Variants in FOXP1 observed in about 807,000 individuals in gnomAD.
The protein encoded by FOXP1 is forkhead box protein P1.
Under a neutral mutation model 98.2 loss-of-function variants are expected in FOXP1, and 15 were observed. The observed-to-expected ratio is 0.15, with a 90% CI of 0.10 to 0.24. The LOEUF is 0.24. Among genes scored for constraint, FOXP1 ranks in the 10% least tolerant of loss-of-function variants. The probability of loss-of-function intolerance (pLI) is 1.00; values close to 1 mark genes in which losing one functional copy is unlikely to be tolerated. For missense variants in FOXP1, 633 were observed against 848.5 expected (o/e 0.75, Z 3.15); for synonymous variants, 371 against 314.5 (o/e 1.18, Z -1.90).
At chr3:71,131,051 G>GAA in intron 6 of FOXP1, 1 of 346,086 alleles carries the variant, frequency 2.9e-6, no homozygotes, top group Non-Finnish European at 4.0e-6. Flanking sequence ...TGCTTTAAAA[G>GAA]AAAAAAAAAA....
At chr3:71,416,112 T>C (rs2083192515) in intron 3 of FOXP1, among the ~76,000 whole-genome samples, 1 of 152,220 alleles carries the variant, frequency 6.6e-6, no homozygotes, top group South Asian at 2.1e-4. Flanking sequence ...AGTTACATTC[T>C]TGTCTTTTGG....
At chr3:71,106,155 T>C (rs1323696021) in intron 7 of FOXP1, among the ~76,000 whole-genome samples, 3 of 152,224 alleles carry the variant, frequency 2.0e-5, no homozygotes, top group East Asian at 1.9e-4. Flanking sequence ...ACACTGCCTA[T>C]ACTACAGAGT....
At chr3:71,164,112 A>T (rs1388648604) in intron 6 of FOXP1, among the ~76,000 whole-genome samples, 1 of 152,202 alleles carries the variant, frequency 6.6e-6, no homozygotes, top group Non-Finnish European at 1.5e-5. Context: ...TAGCCTATAT[A>T]ATCAGATGGT....
chr3:71,277,639 A>G (rs1459254177), intron 5 of FOXP1, among the ~76,000 whole-genome samples: 1 of 152,090 alleles, frequency 6.6e-6, no homozygotes, highest in Non-Finnish European at 1.5e-5. Context: ...TGCTTCAAGC[A>G]TGCCAAGTTC....
Position 71,299,872 on chromosome 3 carries a change from C to G in FOXP1, c.-64G>C, listed in dbSNP as rs567276734. On this transcript the variant is annotated 5_prime_UTR_variant, in exon 5 of 21. Coordinates refer to ENST00000649528, the MANE Select transcript of FOXP1 (RefSeq NM_001349338.3). ...CAGTTATAGTCACCTCAAAAGGTCA[C>G]GTCTTACCCTGAAAACAAAAGAGAA... The G allele has an allele frequency of 1.3e-5, 2 of 152,636 alleles. No individual in the cohort carries two copies. The highest frequency in any genetic ancestry group is 1.3e-4 in the Admixed American group (2 of 15,284). The allele number at this position is 152,636 out of a possible 1,614,324, so 9.5% of individuals were successfully genotyped here. A position where few individuals can be genotyped will look rare whatever the true frequency, so the allele number is the denominator to read the frequency against.
Position 71,229,291 on chromosome 3 carries a change from A to G in FOXP1, c.-11-30899T>C, listed in dbSNP as rs532318859. Among the ~76,000 whole-genome samples the G allele has an allele frequency of 1.2e-3, 183 of 152,330 alleles. No homozygotes were observed. In the Middle Eastern group the frequency reaches 0.014, roughly 11 times the overall value. On this transcript the variant is annotated intron_variant, in intron 5 of 20. Coordinates refer to ENST00000649528, the MANE Select transcript of FOXP1 (RefSeq NM_001349338.3). ...AGTAAGTGTACTTAAAGTACTGAGC[A>G]TGTTTCAAATACCAGAACTTTTTAA...
At chr3:71,125,536 T>G (rs9873737) in intron 6 of FOXP1, among the ~76,000 whole-genome samples, 8,227 of 152,274 alleles carry the variant, frequency 0.054, 588 homozygotes, top group African/African-American at 0.16. Context: ...GAAATACAGA[T>G]TTGATTGGTT....
At chr3:71,213,461 A>G (rs945374089) in intron 5 of FOXP1, among the ~76,000 whole-genome samples, 1 of 152,250 alleles carries the variant, frequency 6.6e-6, no homozygotes, top group Non-Finnish European at 1.5e-5. Flanking sequence ...TTCAAAATAC[A>G]GAGCTAAAGT....
intron 5 of FOXP1, among the ~76,000 whole-genome samples, chr3:71,223,152 T>C (rs577040463): frequency 6.6e-6 from 1 of 152,292 alleles, no homozygotes; most frequent in South Asian, 2.1e-4. Flanking sequence ...AGCTCCCCCA[T>C]TCTAAAAAGA....
At chr3:71,263,852 C>T (rs1452278064) in intron 5 of FOXP1, among the ~76,000 whole-genome samples, 3 of 151,952 alleles carry the variant, frequency 2.0e-5, no homozygotes, top group Non-Finnish European at 4.4e-5. Context: ...TCAAATGATC[C>T]TCTTGACTCA....
rs139523695 is a variant in FOXP1, at chr3:71,162,357, T to A, written c.180+35845A>T. 5.1e-3 allele frequency among the ~76,000 whole-genome samples: 784 copies of A among 152,338 alleles called. 7 individuals are homozygous for A. The highest frequency in any genetic ancestry group is 0.018 in the African/African-American group (766 of 41,574). On this transcript the variant is annotated intron_variant, in intron 6 of 20. Coordinates refer to ENST00000649528, the MANE Select transcript of FOXP1 (RefSeq NM_001349338.3). ...CTAAATACTAGCCCAGAATTCTGAT[T>A]AACCACTGCTTCCCACAGCCTTTGT...
chr3:71,236,834 C>T (rs2106843321), intron 5 of FOXP1, among the ~76,000 whole-genome samples: 1 of 151,222 alleles, frequency 6.6e-6, no homozygotes, highest in South Asian at 2.1e-4. Flanking sequence ...AATCCTGCCA[C>T]TGCACTCCAG....
At chr3:71,421,285 T>TA (rs11303167) in intron 3 of FOXP1, among the ~76,000 whole-genome samples, 1 of 151,930 alleles carries the variant, frequency 6.6e-6, no homozygotes, top group South Asian at 2.1e-4. Flanking sequence ...GACATCAGGA[T>TA]AAAAAAAATT....
chr3:71,396,993 T>TAC (rs1326408486), intron 3 of FOXP1, among the ~76,000 whole-genome samples: 2 of 52,490 alleles, frequency 3.8e-5, no homozygotes, highest in African/African-American at 1.9e-4. Flanking sequence ...TGTATATATA[T>TAC]ACACATATAT....
At chr3:71,371,991 A>G (rs1328852896) in intron 3 of FOXP1, among the ~76,000 whole-genome samples, 1 of 151,156 alleles carries the variant, frequency 6.6e-6, no homozygotes, top group Non-Finnish European at 1.5e-5. Context: ...GTACATGAGG[A>G]TCATTCTTTC....
intron 2 of FOXP1, among the ~76,000 whole-genome samples, chr3:71,516,120 G>A (rs532097476): frequency 2.0e-4 from 30 of 152,280 alleles, no homozygotes; most frequent in Admixed American, 3.3e-4. Context: ...TGACAACATC[G>A]TGCCACAGTC....
intron 13 of FOXP1, among the ~76,000 whole-genome samples, chr3:70,988,888 C>G (rs574204464): frequency 3.9e-4 from 59 of 152,058 alleles, no homozygotes; most frequent in African/African-American, 1.3e-3. Flanking sequence ...GAAATATATC[C>G]CCTAAAGATA....
At chr3:71,365,556 C>CT (rs1252669381) in intron 3 of FOXP1, among the ~76,000 whole-genome samples, 1 of 151,890 alleles carries the variant, frequency 6.6e-6, no homozygotes, top group African/African-American at 2.4e-5. Flanking sequence ...TATGTTGGAC[C>CT]TTTTTTAAAA....
At chr3:71,073,196 G>C (rs1008412818) in intron 7 of FOXP1, among the ~76,000 whole-genome samples, 2 of 152,196 alleles carry the variant, frequency 1.3e-5, no homozygotes, top group African/African-American at 4.8e-5. Flanking sequence ...TCTATGTAAT[G>C]TCACAACCCA....
Sources: allele counts gnomAD v4.1 joint callset (sites outside exome capture counted in the v4.1 genomes callset), GRCh38; gene constraint gnomAD v4.1.1; transcripts MANE v1.5; gene names NCBI Gene and HGNC (gene_info 2026-07-23, HGNC 2026-07-21).